Variants in MYLK2 observed in about 807,000 individuals in gnomAD.
MYLK2 encodes myosin light chain kinase 2, also known as myosin light chain kinase 2, skeletal/cardiac muscle.
A neutral mutation model predicts 58.2 loss-of-function variants in MYLK2; 27 were observed. That is an observed-to-expected ratio of 0.46 (90% CI 0.34 to 0.64). The LOEUF is 0.64. Ranked by LOEUF, MYLK2 falls within the 30% of genes least tolerant of loss-of-function variation. The pLI is 0.01. For missense variants in MYLK2, 676 were observed against 764.3 expected (o/e 0.88, Z 1.36); for synonymous variants, 310 against 296.7 (o/e 1.04, Z -0.46).
chr20:31,833,860 C>G lies in MYLK2; in HGVS notation c.*63C>G. ...GTGGCCGGGGCTGAAGCCACACAGC[C>G]CAGAAGGCCAGAAAAGGCAGCCAGA... is the stretch of plus-strand genomic sequence containing the variant. On this transcript the variant is annotated 3_prime_UTR_variant, in exon 13 of 13. Coordinates refer to ENST00000375985, the MANE Select transcript of MYLK2 (RefSeq NM_033118.4). The G allele has an allele frequency of 6.7e-7, 1 of 1,483,812 alleles. No individual in the cohort carries two copies. The allele number at this position is 1,483,812 out of a possible 1,614,324, so 91.9% of individuals were successfully genotyped here. A position where few individuals can be genotyped will look rare whatever the true frequency, so the allele number is the denominator to read the frequency against.
intron 4 of MYLK2, 45 bp downstream of exon 4, chr20:31,821,782 G>C (rs780431078): frequency 1.3e-6 from 2 of 1,530,388 alleles, no homozygotes; most frequent in East Asian, 2.3e-5. Flanking sequence ...TGGGGCCAGG[G>C]GGAGGGAAGG....
intron 9 of MYLK2, 42 bp from the exon 10 acceptor site, chr20:31,830,971 T>A: frequency 6.2e-7 from 1 of 1,614,078 alleles, no homozygotes; most frequent in Non-Finnish European, 8.5e-7. Context: ...GGCATGGGTA[T>A]AGGCCAGGAG....
chr20:31,833,694 A>T (rs1484327883), intron 12 of MYLK2, 23 bp from the exon 13 acceptor site: 1 of 1,609,350 alleles, frequency 6.2e-7, no homozygotes, highest in African/African-American at 1.3e-5. Context: ...GTTGACTGGG[A>T]CTCCCTCTCT....
At chr20:31,819,785 T>C (rs1350817753) in intron 2 of MYLK2, among the ~76,000 whole-genome samples, 153 bp downstream of exon 2, 1 of 152,092 alleles carries the variant, frequency 6.6e-6, no homozygotes, top group African/African-American at 2.4e-5. Context: ...CTGGCTAGGG[T>C]TGGGCTGGGT....
chr20:31,821,477 C>A lies in MYLK2; in HGVS notation c.512C>A (p.Ala171Glu), dbSNP rs184149704. The part of the protein sequence containing the change: ...KLLAKKPPSE[A>E]SELTFEGVPM... Reference sequence around the variant, plus strand: ...CTGGCCAAGAAGCCCCCAAGCGAGGCATCAGAGCTCACCTTTGAAGGGGTG... The same window carrying A: ...CTGGCCAAGAAGCCCCCAAGCGAGGAATCAGAGCTCACCTTTGAAGGGGTG... Residue 171 changes from alanine (A) to glutamate (E), a missense_variant, in exon 4 of 13, where the codon GCA becomes GAA. By Grantham distance (107) the Ala-to-Glu change is moderately radical (BLOSUM62 -1). Around this residue, in one of 2 missense-constraint regions of MYLK2, gnomAD observed 306 missense variants for 296.5 expected, o/e 1.03. Coordinates refer to ENST00000375985, the MANE Select transcript of MYLK2 (RefSeq NM_033118.4). The A allele has an allele frequency of 3.7e-6, 6 of 1,613,888 alleles. No individual in the cohort carries two copies. In the African/African-American group the frequency reaches 6.7e-5, roughly 18 times the overall value.
Position 31,821,620 on chromosome 20 carries a change from A to G in MYLK2, c.655A>G (p.Lys219Glu). The G allele has an allele frequency of 1.2e-6, 2 of 1,614,086 alleles. No homozygotes were observed. Among genetic ancestry groups the G allele is most frequent in the Non-Finnish European group, 1.7e-6 (2 of 1,180,036 alleles). Residue 219 changes from lysine to glutamate, a missense_variant, in exon 4 of 13, where the codon AAG becomes GAG. By Grantham distance (56) the Lys-to-Glu change is moderately conservative (BLOSUM62 1). Coordinates refer to ENST00000375985, the MANE Select transcript of MYLK2 (RefSeq NM_033118.4). ...AACCCCAGGCCAGGCTGGCCAGGCTAAGATGCAAGGGGACACCTCGAGGGG... is the reference window on the plus strand; with the variant it reads ...AACCCCAGGCCAGGCTGGCCAGGCTGAGATGCAAGGGGACACCTCGAGGGG... Reference protein sequence around the residue: ...EKTPGQAGQAKMQGDTSRGIE... With the variant: ...EKTPGQAGQAEMQGDTSRGIE...
At chr20:31,819,772 T>C (rs2062242288) in intron 2 of MYLK2, 140 bp downstream of exon 2, 3 of 1,116,980 alleles carry the variant, frequency 2.7e-6, no homozygotes, top group Admixed American at 4.0e-5. Context: ...ATCAGAGGAA[T>C]CTCTGGCTAG....
chr20:31,827,673 C>G (rs2062287360), intron 8 of MYLK2: 4 of 396,180 alleles, frequency 1.0e-5, no homozygotes, highest in Non-Finnish European at 1.4e-5. Context: ...CACCTGCCAC[C>G]ACACCCAGCT....
intron 1 of MYLK2, 30 bp from the exon 2 acceptor site, chr20:31,819,503 G>A: frequency 6.5e-7 from 1 of 1,538,242 alleles, no homozygotes; most frequent in African/African-American, 1.4e-5. Flanking sequence ...AAATTGGACA[G>A]CCTGACACAC....
At chr20:31,830,630 G>T (rs534914743) in intron 8 of MYLK2, among the ~76,000 whole-genome samples, 189 bp from the exon 9 acceptor site, 40 of 152,330 alleles carry the variant, frequency 2.6e-4, no homozygotes, top group African/African-American at 7.9e-4. Flanking sequence ...CCTCGCATAA[G>T]CCCCTCGTGG....
In MYLK2 at chr20:31,826,697, C is replaced by A. The variant is rs1289100767; in HGVS notation, c.1065C>A (p.Ile355=). The A allele has an allele frequency of 6.2e-7, 1 of 1,613,840 alleles. No individual in the cohort carries two copies. The highest frequency in any genetic ancestry group is 8.5e-7 in the Non-Finnish European group (1 of 1,180,016). The part of the protein sequence containing the change: ...LYAAIETPHE[I]VLFMEYIEGG... Reference sequence around the variant, plus strand: ...CAGCCATCGAGACTCCGCATGAGATCGTCCTGTTCATGGAGTAGTGAGTGC... The same window carrying A: ...CAGCCATCGAGACTCCGCATGAGATAGTCCTGTTCATGGAGTAGTGAGTGC... The change falls in exon 7 of 13, where the codon ATC becomes ATA. Residue 355 remains isoleucine (I), a synonymous_variant. Coordinates refer to ENST00000375985, the MANE Select transcript of MYLK2 (RefSeq NM_033118.4).
rs567279700 is a variant in MYLK2 at position 31,834,087 on chromosome 20, T to A, written c.*290T>A. On this transcript the variant is annotated 3_prime_UTR_variant, in exon 13 of 13. Transcript: ENST00000375985. Reference sequence around the variant, plus strand: ...AGGCCCCCGTTGAAGCCGCTCCCGGTTCCCTCCCCAGCTCCTCGTCTTTGA... The same window carrying A: ...AGGCCCCCGTTGAAGCCGCTCCCGGATCCCTCCCCAGCTCCTCGTCTTTGA... 5 of 455,842 alleles carry A rather than the reference T, an allele frequency of 1.1e-5. No individual in the cohort carries two copies. In the East Asian group the frequency reaches 2.1e-4, roughly 19 times the overall value. 28.2% of individuals were successfully genotyped at this position (455,842 alleles called of 1,614,324 possible).
intron 5 of MYLK2, 147 bp downstream of exon 5, chr20:31,823,729 C>A: frequency 1.1e-6 from 1 of 899,000 alleles, no homozygotes; most frequent in Non-Finnish European, 1.8e-6. Flanking sequence ...GGGACACACA[C>A]TGTGTGCAGC....
chr20:31,826,773 C>G, intron 7 of MYLK2, 24 bp from the exon 8 acceptor site: 1 of 1,614,012 alleles, frequency 6.2e-7, no homozygotes, highest in South Asian at 1.1e-5. Flanking sequence ...ACGGAGCAAG[C>G]CGTGGAGGGG....
At position 31,824,344 on chromosome 20, in the gene MYLK2, AAAGAC is replaced by A; in HGVS notation, c.968_972del (p.Asp323GlyfsTer8). On this transcript the variant is annotated frameshift_variant, in exon 6 of 13. Coordinates refer to ENST00000375985, the MANE Select transcript of MYLK2 (RefSeq NM_033118.4). LOFTEE classifies it high-confidence loss of function. ...CAAGGTCATCAAGAAACAGACTCCC[AAAGAC>A]AAGGTAGTGAGGTTGCGGGGGTGGT... The A allele has an allele frequency of 4.3e-6, 7 of 1,611,992 alleles. No individual in the cohort carries two copies. Among genetic ancestry groups the A allele is most frequent in the Non-Finnish European group, 5.9e-6 (7 of 1,178,850 alleles).
chr20:31,830,742 G>GCCTCAA, intron 8 of MYLK2, 77 bp from the exon 9 acceptor site: 1 of 1,475,206 alleles, frequency 6.8e-7, no homozygotes, highest in Non-Finnish European at 9.5e-7. Flanking sequence ...CAAGGAGCCT[G>GCCTCAA]GGGTTTGCAC....
chr20:31,830,440 C>T (rs117579407), intron 8 of MYLK2, among the ~76,000 whole-genome samples: 535 of 152,314 alleles, frequency 3.5e-3, no homozygotes, highest in Middle Eastern at 0.024. Context: ...CTTCATGTAT[C>T]TGGTGGTGGT....
intron 4 of MYLK2, among the ~76,000 whole-genome samples, chr20:31,822,800 C>T (rs918245211): frequency 1.3e-5 from 2 of 152,174 alleles, no homozygotes; most frequent in Non-Finnish European, 2.9e-5. Flanking sequence ...CAGAGACCTC[C>T]GCCCCGCCCC....
In MYLK2 at chr20:31,821,629, G is replaced by A. The variant is rs6060969; in HGVS notation, c.664G>A (p.Gly222Arg). Residue 222 changes from glycine to arginine, a missense_variant, in exon 4 of 13, where the codon GGG becomes AGG. Gly to Arg is a moderately radical substitution (Grantham distance 125). Coordinates refer to ENST00000375985, the MANE Select transcript of MYLK2 (RefSeq NM_033118.4). ...PGQAGQAKMQ[G>R]DTSRGIEFQA... ...CCAGGCTGGCCAGGCTAAGATGCAA[G>A]GGGACACCTCGAGGGGGATTGAGTT... The A allele has an allele frequency of 6.2e-7, 1 of 1,614,084 alleles. No homozygotes were observed. Among genetic ancestry groups the A allele is most frequent in the Non-Finnish European group, 8.5e-7 (1 of 1,180,030 alleles).
Sources: allele counts gnomAD v4.1 joint callset (sites outside exome capture counted in the v4.1 genomes callset), GRCh38; gene constraint gnomAD v4.1.1; regional missense constraint gnomAD v4.1.1; transcripts MANE v1.5; gene names NCBI Gene and HGNC (gene_info 2026-07-23, HGNC 2026-07-21).